Variants in AKIRIN2 observed in about 807,000 individuals in gnomAD.
The protein encoded by AKIRIN2 is akirin 2, also known as akirin-2.
Under a neutral mutation model 29.3 loss-of-function variants are expected in AKIRIN2, and 6 were observed. The observed-to-expected ratio is 0.20, with a 90% confidence interval of 0.11 to 0.40. AKIRIN2 has a LOEUF of 0.40. Among genes scored for constraint, AKIRIN2 ranks in the 10% least tolerant of loss-of-function variants. The probability of loss-of-function intolerance (pLI) is 1.00; values close to 1 mark genes in which losing one functional copy is unlikely to be tolerated. For missense variants in AKIRIN2, 210 were observed against 276.1 expected (o/e 0.76, Z 1.70); for synonymous variants, 128 against 117.5 (o/e 1.09, Z -0.58).
At chr6:87,681,120 C>T (rs1384515947) in intron 2 of AKIRIN2, among the ~76,000 whole-genome samples, 1 of 152,162 alleles carries the variant, frequency 6.6e-6, no homozygotes, top group Non-Finnish European at 1.5e-5. Context: ...TCACTGCAAC[C>T]TCCGCCTCCT....
chr6:87,678,516 C>G (rs1582116625), intron 2 of AKIRIN2, among the ~76,000 whole-genome samples: 1 of 151,580 alleles, frequency 6.6e-6, no homozygotes, highest in Non-Finnish European at 1.5e-5. Context: ...AAAATAAAAA[C>G]AAAAAATTAA....
Position 87,702,193 on chromosome 6 carries a change from A to G in AKIRIN2, c.-509T>C, listed in dbSNP as rs1582129205. 5.0e-6 allele frequency: 2 copies of G among 398,100 alleles called. No homozygotes were observed. The highest frequency in any genetic ancestry group is 3.6e-5 in the East Asian group (1 of 28,062). The allele number at this position is 398,100 out of a possible 1,614,324, so 24.7% of individuals were successfully genotyped here. A position where few individuals can be genotyped will look rare whatever the true frequency, so the allele number is the denominator to read the frequency against. ...AGGTAGCTGCCGCAGCAGGAACCCA[A>G]GCGAACACGTCCAACCGCTTCCCCT... On this transcript the variant is annotated 5_prime_UTR_variant, in exon 1 of 5. Transcript: ENST00000257787.
At chr6:87,685,111 T>A (rs1771168267) in intron 1 of AKIRIN2, among the ~76,000 whole-genome samples, 1 of 152,214 alleles carries the variant, frequency 6.6e-6, no homozygotes, top group Admixed American at 6.5e-5. Context: ...ATGATGCAAC[T>A]ATGTCATCTA....
chr6:87,693,004 G>A (rs6900561), intron 1 of AKIRIN2, among the ~76,000 whole-genome samples: 4,779 of 152,062 alleles, frequency 0.031, 252 homozygotes, highest in African/African-American at 0.11. Context: ...TGTGGTGGTC[G>A]GATCAACGAG....
chr6:87,683,147 G>GA (rs932835419), intron 1 of AKIRIN2, among the ~76,000 whole-genome samples: 4 of 151,204 alleles, frequency 2.6e-5, no homozygotes, highest in South Asian at 2.1e-4. Flanking sequence ...TATTTAAACT[G>GA]AAAAAAAAGT....
chr6:87,695,417 C>CT (rs1198788163), intron 1 of AKIRIN2, among the ~76,000 whole-genome samples: 1 of 152,160 alleles, frequency 6.6e-6, no homozygotes, highest in East Asian at 1.9e-4. Flanking sequence ...CATAGCAACT[C>CT]TAAGAACCTT....
rs1770936351 is a variant in AKIRIN2 at position 87,674,908 on chromosome 6, A to G, written c.*689T>C. Among the ~76,000 whole-genome samples, 1 of 152,074 alleles carries G rather than the reference A, an allele frequency of 6.6e-6. No homozygotes were observed. Among genetic ancestry groups the G allele is most frequent in the South Asian group, 2.1e-4 (1 of 4,834 alleles). On this transcript the variant is annotated 3_prime_UTR_variant, in exon 5 of 5. Transcript: ENST00000257787. ...ATTCAAATACTAACCCCATCTGTAC[A>G]TTAAGAAACAAGCAAAATAGAAGTA...
At position 87,675,754 on chromosome 6, in the gene AKIRIN2, A is replaced by G. The variant is rs1168843394; in HGVS notation, c.601+106T>C. 32 of 1,455,418 alleles carry G rather than the reference A, an allele frequency of 2.2e-5. 1 individual carries two copies. In the East Asian group the frequency reaches 7.4e-4, roughly 34 times the overall value. The allele number at this position is 1,455,418 out of a possible 1,614,324, so 90.2% of individuals were successfully genotyped here. ...CTGCCTATTTCCTCCATACATTCTCAGTAATTTTGTTGAATTCTCTTTTTG... is the reference window on the plus strand; with the variant it reads ...CTGCCTATTTCCTCCATACATTCTCGGTAATTTTGTTGAATTCTCTTTTTG... On this transcript the variant is annotated intron_variant, in intron 4 of 4. Transcript: ENST00000257787.
At chr6:87,681,324 G>A (rs1771115883) in intron 2 of AKIRIN2, among the ~76,000 whole-genome samples, 1 of 152,174 alleles carries the variant, frequency 6.6e-6, no homozygotes, top group Non-Finnish European at 1.5e-5. Context: ...TTACAGGCAT[G>A]AGCCACCGTG....
chr6:87,697,427 T>C (rs1043934503), intron 1 of AKIRIN2, among the ~76,000 whole-genome samples: 5 of 151,942 alleles, frequency 3.3e-5, no homozygotes, highest in African/African-American at 1.2e-4. Flanking sequence ...TGCAGCTACA[T>C]ACACAGTCCT....
intron 1 of AKIRIN2, among the ~76,000 whole-genome samples, chr6:87,696,010 C>A (rs989124541): frequency 6.6e-6 from 1 of 151,910 alleles, no homozygotes; most frequent in African/African-American, 2.4e-5. Context: ...GAAACCCCAT[C>A]TCTACAAAAA....
chr6:87,686,873 C>G (rs1030461644), intron 1 of AKIRIN2, among the ~76,000 whole-genome samples: 1 of 151,748 alleles, frequency 6.6e-6, no homozygotes, highest in African/African-American at 2.4e-5. Context: ...TGACGAAACC[C>G]TGTCTCTACT....
intron 1 of AKIRIN2, among the ~76,000 whole-genome samples, chr6:87,694,690 CTT>C (rs1257883276): frequency 1.3e-5 from 2 of 152,124 alleles, no homozygotes; most frequent in East Asian, 3.9e-4. Flanking sequence ...GCCTGTGACA[CTT>C]GTGACAGATA....
At chr6:87,679,745 T>C (rs917364647) in intron 2 of AKIRIN2, among the ~76,000 whole-genome samples, 3 of 152,192 alleles carry the variant, frequency 2.0e-5, no homozygotes, top group Non-Finnish European at 2.9e-5. Context: ...ATTTCAAATA[T>C]TCCTTCAGCA....
intron 1 of AKIRIN2, among the ~76,000 whole-genome samples, chr6:87,684,115 TCTTTTGTGTGA>T (rs1292224666): frequency 6.6e-6 from 1 of 152,178 alleles, no homozygotes; most frequent in Non-Finnish European, 1.5e-5. Context: ...TTAATATTTA[TCTTTTGTGTGA>T]CTTATATACG....
rs1397357293 is a variant in AKIRIN2 at position 87,677,814 on chromosome 6, A to T, written c.529+4T>A. On this transcript the variant is annotated splice_donor_region_variant and intron_variant, in intron 3 of 4. Coordinates refer to ENST00000257787, the MANE Select transcript of AKIRIN2 (RefSeq NM_018064.4). ...TCAGAAACTCTAATAAACACACCTC[A>T]TACCTGCAAGTTTTGTGTTCAATAT... 1 of 1,613,446 alleles carries T rather than the reference A, an allele frequency of 6.2e-7. No homozygotes were observed. The highest frequency in any genetic ancestry group is 1.7e-5 in the Admixed American group (1 of 60,002).
At chr6:87,699,462 C>A (rs1262521865) in intron 1 of AKIRIN2, among the ~76,000 whole-genome samples, 2 of 151,896 alleles carry the variant, frequency 1.3e-5, no homozygotes, top group Non-Finnish European at 2.9e-5. Context: ...TTGGAAATAA[C>A]TTTTAGCAGA....
chr6:87,689,327 C>T (rs1771240470), intron 1 of AKIRIN2, among the ~76,000 whole-genome samples: 1 of 152,144 alleles, frequency 6.6e-6, no homozygotes. Context: ...CATGGCAAAA[C>T]CCCATCTCTA....
intron 3 of AKIRIN2, among the ~76,000 whole-genome samples, chr6:87,677,323 C>T (rs1213679566): frequency 6.6e-6 from 1 of 152,118 alleles, no homozygotes; most frequent in Non-Finnish European, 1.5e-5. Context: ...AAAAAGCTTA[C>T]ATATCTATAT....
Sources: allele counts gnomAD v4.1 joint callset (sites outside exome capture counted in the v4.1 genomes callset), GRCh38; gene constraint gnomAD v4.1.1; transcripts MANE v1.5; gene names NCBI Gene and HGNC (gene_info 2026-07-23, HGNC 2026-07-21).